ABCB9: variants seen among roughly 807,000 people sequenced by gnomAD.
The protein encoded by ABCB9 is ABC-type oligopeptide transporter ABCB9.
Under a neutral mutation model 62.0 loss-of-function variants are expected in ABCB9, and 36 were observed. The observed-to-expected ratio is 0.58, with a 90% CI of 0.45 to 0.77. ABCB9 has a LOEUF of 0.77. ABCB9 is among the 30% of genes least tolerant of loss of function. The pLI, the probability that ABCB9 is intolerant of heterozygous loss-of-function variation, is 0.00. For synonymous variants in ABCB9, 435 were observed against 461.4 expected (o/e 0.94, Z 0.73); for missense variants, 943 against 1,054.7 (o/e 0.89, Z 1.47).
At chr12:122,922,672 C>T (rs912499583) in intron 11 of ABCB9, among the ~76,000 whole-genome samples, 21 of 152,240 alleles carry the variant, frequency 1.4e-4, no homozygotes, top group African/African-American at 5.1e-4. Flanking sequence ...AGCCACTGCA[C>T]CCAGCCAAGT....
chr12:122,944,694 C>G lies in ABCB9; in HGVS notation c.1252-175G>C. ...GCTTGTCACTCATGCCTTCCCCTGCCCCGAGCATTTCCCTACAGAGGCCTC... is the reference window on the plus strand; with the variant it reads ...GCTTGTCACTCATGCCTTCCCCTGCGCCGAGCATTTCCCTACAGAGGCCTC... On this transcript the variant is annotated intron_variant, in intron 6 of 11. Coordinates refer to ENST00000280560, the MANE Select transcript of ABCB9 (RefSeq NM_019625.4). This position sits in a 1 kb window ranked among gnomAD's most constrained non-coding sequence, Gnocchi z 4.9. 1 of 854,488 alleles carries G rather than the reference C, an allele frequency of 1.2e-6. No individual in the cohort carries two copies. The allele number at this position is 854,488 out of a possible 1,614,324, so 52.9% of individuals were successfully genotyped here.
chr12:122,950,042 C>T, intron 3 of ABCB9, 124 bp from the exon 4 acceptor site: 3 of 1,341,398 alleles, frequency 2.2e-6, no homozygotes, highest in East Asian at 2.3e-5. Flanking sequence ...GGGCTGGCAT[C>T]CCTGCGGGGT....
At chr12:122,937,726 C>T (rs917575598) in intron 9 of ABCB9, among the ~76,000 whole-genome samples, 1 of 152,188 alleles carries the variant, frequency 6.6e-6, no homozygotes, top group Non-Finnish European at 1.5e-5. Flanking sequence ...ATGGCCCTCA[C>T]CACCATCTCG....
chr12:122,972,412 G>A (rs2135943747), intron 1 of ABCB9, among the ~76,000 whole-genome samples: 1 of 152,320 alleles, frequency 6.6e-6, no homozygotes, highest in African/African-American at 2.4e-5. Flanking sequence ...ATAGAAAGCA[G>A]TCGAGAAAAA....
chr12:122,960,192 C>T lies in ABCB9; in HGVS notation c.44G>A (p.Ser15Asn). 1 of 1,613,500 alleles carries T rather than the reference C, an allele frequency of 6.2e-7. No homozygotes were observed. The highest frequency in any genetic ancestry group is 8.5e-7 in the Non-Finnish European group (1 of 1,179,982). ...KAVVVTLAFM[S>N]VDICVTTAIY... ...GGCCGTGGTCACGCAGATGTCCACA[C>T]TCATGAAGGCCAAAGTCACCACCAC... The change falls in exon 2 of 12, where the codon AGT becomes AAT. Residue 15 changes from serine to asparagine, a missense_variant. By Grantham distance (46) the Ser-to-Asn change is conservative. Coordinates refer to ENST00000280560, the MANE Select transcript of ABCB9 (RefSeq NM_019625.4).
At chr12:122,970,309 G>A (rs1049461007), upstream of ABCB9, among the ~76,000 whole-genome samples, 10 of 152,036 alleles carry the variant, frequency 6.6e-5, no homozygotes, top group Admixed American at 2.6e-4. Flanking sequence ...GGGCAGTGGT[G>A]TGATCTCGGC....
chr12:122,944,942 T>C lies in ABCB9; in HGVS notation c.1252-423A>G, dbSNP rs1156709546. ...GGGTTCCGTGAAGAAGGGGCTGTGA[T>C]GGGAGCGCCCATGCCTTCCTCCTGT... On this transcript the variant is annotated intron_variant, in intron 6 of 11. Transcript: ENST00000280560. The surrounding 1 kb of genome is among the most constrained non-coding windows in gnomAD (Gnocchi z 4.9). 1.3e-5 allele frequency among the ~76,000 whole-genome samples: 2 copies of C among 152,186 alleles called. No homozygotes were observed. Among genetic ancestry groups the C allele is most frequent in the African/African-American group, 2.4e-5 (1 of 41,436 alleles).
intron 4 of ABCB9, chr12:122,949,067 G>T (rs891722602): frequency 2.7e-5 from 10 of 372,060 alleles, no homozygotes; most frequent in Non-Finnish European, 4.4e-5. Context: ...GGAGGCTGGG[G>T]CTCAGAACAG....
intron 7 of ABCB9, among the ~76,000 whole-genome samples, chr12:122,942,796 T>C (rs1364533334): frequency 6.6e-6 from 1 of 152,070 alleles, no homozygotes; most frequent in Non-Finnish European, 1.5e-5. Flanking sequence ...AATGTGAGAC[T>C]GTCTCAAATA....
intron 2 of ABCB9, among the ~76,000 whole-genome samples, chr12:122,955,531 G>A (rs1046811980): frequency 7.2e-5 from 11 of 152,186 alleles, no homozygotes; most frequent in African/African-American, 2.7e-4. Flanking sequence ...AGGGGCTCAG[G>A]ACCTGGGAGG....
intron 1 of ABCB9, among the ~76,000 whole-genome samples, chr12:122,961,608 C>A (rs566614663): frequency 6.6e-6 from 1 of 152,274 alleles, no homozygotes; most frequent in African/African-American, 2.4e-5. Flanking sequence ...AAGCACTTGG[C>A]ACAGGTGAAA....
intron 5 of ABCB9, among the ~76,000 whole-genome samples, chr12:122,946,977 C>T (rs2036075583): frequency 6.6e-6 from 1 of 152,248 alleles, no homozygotes; most frequent in Non-Finnish European, 1.5e-5. Context: ...CCATGTGTCA[C>T]GCCCCAGCCG....
At chr12:122,960,838 A>C (rs529988845) in intron 1 of ABCB9, among the ~76,000 whole-genome samples, 1 of 151,870 alleles carries the variant, frequency 6.6e-6, no homozygotes, top group Non-Finnish European at 1.5e-5. Context: ...TGAGGCCAGG[A>C]GTTGGAGAGC....
intron 6 of ABCB9, among the ~76,000 whole-genome samples, chr12:122,945,795 T>C (rs1485736025): frequency 6.6e-6 from 1 of 151,122 alleles, no homozygotes; most frequent in Non-Finnish European, 1.5e-5. Context: ...GGAGAATCGC[T>C]TGAACCCAGG....
chr12:122,952,001 G>A (rs2036391028), intron 2 of ABCB9: 1 of 152,232 alleles, frequency 6.6e-6, no homozygotes, highest in African/African-American at 2.4e-5. Context: ...GGGCTTGTAA[G>A]CCTGGTTTGC....
intron 9 of ABCB9, 65 bp from the exon 10 acceptor site, chr12:122,935,496 C>A (rs567208712): frequency 1.3e-6 from 2 of 1,553,886 alleles, no homozygotes; most frequent in East Asian, 4.6e-5. Context: ...TCCCCAGCAG[C>A]CTTGCTGCCT....
chr12:122,921,134 G>T, intron 11 of ABCB9: 1 of 1,383,788 alleles, frequency 7.2e-7, no homozygotes, highest in Non-Finnish European at 9.9e-7. Context: ...AAAATGGTTG[G>T]CTGGGCGTGA....
In ABCB9 at chr12:122,959,641, C is replaced by G; in HGVS notation, c.595G>C (p.Ala199Pro). 6.4e-7 allele frequency: 1 copy of G among 1,556,432 alleles called. No individual in the cohort carries two copies. The highest frequency in any genetic ancestry group is 8.7e-7 in the Non-Finnish European group (1 of 1,147,332). Residue 199 changes from alanine to proline, a missense_variant, in exon 2 of 12, where the codon GCT becomes CCT. By Grantham distance (27) the Ala-to-Pro change is conservative (BLOSUM62 -1). Transcript: ENST00000280560. The surrounding 1 kb of genome is among the most constrained non-coding windows in gnomAD (Gnocchi z 5.4). ...VAASFFLIVA[A>P]LGETFLPYYT... ...CCCCGAGGTCCTTACTTACCCAGAG[C>G]TGCCACGATGAGGAAGAAGGAGGCG...
chr12:122,960,560 C>T (rs2036838574), intron 1 of ABCB9, among the ~76,000 whole-genome samples: 1 of 152,062 alleles, frequency 6.6e-6, no homozygotes. Flanking sequence ...AAGATCCCTG[C>T]TCTCCTGGAG....
Sources: allele counts gnomAD v4.1 joint callset (sites outside exome capture counted in the v4.1 genomes callset), GRCh38; gene constraint gnomAD v4.1.1; non-coding constraint Gnocchi (gnomAD v3.1); transcripts MANE v1.5; gene names NCBI Gene and HGNC (gene_info 2026-07-23, HGNC 2026-07-21).